Variants in FGD6 observed in about 807,000 individuals in gnomAD.
FGD6 encodes the protein FYVE, RhoGEF and PH domain-containing protein 6.
Under a neutral mutation model 149.4 loss-of-function variants are expected in FGD6, and 90 were observed. The ratio of observed to expected loss-of-function variants is 0.60; its 90% CI spans 0.51 to 0.72. FGD6 has a LOEUF of 0.72. Ranked by LOEUF, FGD6 falls within the 30% of genes least tolerant of loss-of-function variation. The probability of loss-of-function intolerance (pLI) is 0.00; values close to 1 mark genes in which losing one functional copy is unlikely to be tolerated. For missense variants in FGD6, 1,437 were observed against 1,684.8 expected (o/e 0.85, Z 2.57); for synonymous variants, 527 against 584.0 (o/e 0.90, Z 1.41).
intron 17 of FGD6, 58 bp downstream of exon 17, chr12:95,091,649 G>A: frequency 8.3e-7 from 1 of 1,209,346 alleles, no homozygotes; most frequent in Non-Finnish European, 1.2e-6. Context: ...TCAGAAGGTT[G>A]TTTGAAAGCA....
Position 95,141,464 on chromosome 12 carries a change from T to A in FGD6, c.2761A>T (p.Ile921Phe). 1 of 1,614,110 alleles carries A rather than the reference T, an allele frequency of 6.2e-7. No homozygotes were observed. The part of the protein sequence containing the change: ...PVIEDRILNQ[I>F]LYYLPQLYEL... ...TACAGCTGAGGCAAGTAGTATAGGA[T>A]CTGATTTAGAATCCGGTCCTCAATC... is the stretch of plus-strand genomic sequence containing the variant. The change falls in exon 6 of 21, where the codon ATC (isoleucine) becomes TTC (phenylalanine). Residue 921 changes from isoleucine to phenylalanine, a missense_variant. Physicochemically the swap from Ile to Phe is conservative, Grantham distance 21. Transcript: ENST00000343958.
intron 15 of FGD6, among the ~76,000 whole-genome samples, chr12:95,093,873 C>A (rs968031838): frequency 2.0e-5 from 3 of 148,146 alleles, no homozygotes; most frequent in African/African-American, 7.5e-5. Context: ...GAAATATGGG[C>A]TATTGGCCAG....
rs747776204 is a variant in FGD6, at chr12:95,209,474, T to C, written c.1810A>G (p.Lys604Glu). The change falls in exon 2 of 21, where the codon AAA (lysine) becomes GAA (glutamate). Residue 604 changes from lysine (K) to glutamate (E), a missense_variant. Lys to Glu is a moderately conservative substitution (Grantham distance 56). Around this residue, in one of 2 missense-constraint regions of FGD6, gnomAD observed 1,055 missense variants for 1,146.0 expected, o/e 0.92. Coordinates refer to ENST00000343958, the MANE Select transcript of FGD6 (RefSeq NM_018351.4). ...TCCACATCCATAGCAGATAACGATT[T>C]TGCTCTGGGCTTGGTTAGGGCTGTT... is the stretch of plus-strand genomic sequence containing the variant. ...PSTALTKPRA[K>E]SLSAMDVEKC... The C allele has an allele frequency of 1.9e-6, 3 of 1,612,156 alleles. No individual in the cohort carries two copies. The highest frequency in any genetic ancestry group is 1.7e-6 in the Non-Finnish European group (2 of 1,179,334).
At chr12:95,160,885 CAAAG>C (rs1258249882) in intron 3 of FGD6, among the ~76,000 whole-genome samples, 1 of 150,960 alleles carries the variant, frequency 6.6e-6, no homozygotes. Flanking sequence ...AACAAACAAA[CAAAG>C]AACCCACTTG....
intron 3 of FGD6, among the ~76,000 whole-genome samples, chr12:95,157,972 C>CGAGTAGCG (rs1362163797): frequency 1.3e-5 from 2 of 151,458 alleles, no homozygotes; most frequent in Non-Finnish European, 2.9e-5. Context: ...CTTAGCCTCC[C>CGAGTAGCG]GAGTAGCTGG....
Position 95,085,921 on chromosome 12 carries a change from C to G in FGD6, c.3979-13G>C. 1.3e-6 allele frequency: 2 copies of G among 1,590,672 alleles called. No homozygotes were observed. The highest frequency in any genetic ancestry group is 1.7e-6 in the Non-Finnish European group (2 of 1,173,668). ...TGTTTGCTGATACCTAGATAAGAAA[C>G]CCCATACAAAGTTTAATGGTTTTCA... On this transcript the variant is annotated splice_polypyrimidine_tract_variant and intron_variant, in intron 18 of 20. Transcript: ENST00000343958.
chr12:95,144,829 C>A (rs1464472389), intron 5 of FGD6, among the ~76,000 whole-genome samples: 1 of 151,274 alleles, frequency 6.6e-6, no homozygotes, highest in Non-Finnish European at 1.5e-5. Flanking sequence ...GCTGGGATTA[C>A]AGGCGCTTGC....
intron 14 of FGD6, among the ~76,000 whole-genome samples, chr12:95,103,283 A>C (rs1284569474): frequency 1.3e-5 from 2 of 152,232 alleles, no homozygotes; most frequent in Admixed American, 1.3e-4. Context: ...AGGTCTGAGA[A>C]GACAGTGTCT....
intron 8 of FGD6, among the ~76,000 whole-genome samples, chr12:95,133,553 A>G (rs768438511): frequency 6.6e-6 from 1 of 152,208 alleles, no homozygotes; most frequent in Non-Finnish European, 1.5e-5. Context: ...AGTGAAGTTA[A>G]GAAGAAAAGC....
rs1180494083 is a variant in FGD6 at position 95,211,276 on chromosome 12, G to GA, written c.17-10dup. 3.3e-6 allele frequency: 5 copies of GA among 1,536,766 alleles called. No homozygotes were observed. Among genetic ancestry groups the GA allele is most frequent in the Non-Finnish European group, 4.3e-6 (5 of 1,151,826 alleles). On this transcript the variant is annotated splice_polypyrimidine_tract_variant and intron_variant, in intron 1 of 20. Transcript: ENST00000343958. ...TGGTGGCTTCTTTATCTCTAGAAAG[G>GA]AAAAAATAATAATTTGATGTCAAAA...
intron 5 of FGD6, 50 bp from the exon 6 acceptor site, chr12:95,141,589 A>G (rs369603514): frequency 1.2e-6 from 2 of 1,601,506 alleles, no homozygotes; most frequent in African/African-American, 2.7e-5. Context: ...GTAACTTGAT[A>G]ACAAGCTTTT....
At chr12:95,208,413 G>C (rs1306809391) in intron 2 of FGD6, among the ~76,000 whole-genome samples, 2 of 152,130 alleles carry the variant, frequency 1.3e-5, no homozygotes, top group African/African-American at 4.8e-5. Context: ...AAAATGTGGA[G>C]GTTCCACCTG....
intron 2 of FGD6, among the ~76,000 whole-genome samples, chr12:95,174,822 G>A (rs1461403304): frequency 6.6e-6 from 1 of 150,814 alleles, no homozygotes; most frequent in Non-Finnish European, 1.5e-5. Context: ...CAGCTACTCG[G>A]GAGGCTGAGG....
chr12:95,116,235 G>A (rs561341175), intron 8 of FGD6, among the ~76,000 whole-genome samples: 2 of 152,214 alleles, frequency 1.3e-5, no homozygotes, highest in East Asian at 1.9e-4. Flanking sequence ...TTCTATGGCT[G>A]ACAGTTGACA....
chr12:95,123,560 T>C (rs1879251834), intron 8 of FGD6, among the ~76,000 whole-genome samples: 1 of 144,368 alleles, frequency 6.9e-6, no homozygotes, highest in African/African-American at 2.7e-5. Flanking sequence ...CAAAAGTCAA[T>C]ATACATTTTT....
At chr12:95,158,757 C>G (rs1233852209) in intron 3 of FGD6, among the ~76,000 whole-genome samples, 2 of 151,976 alleles carry the variant, frequency 1.3e-5, no homozygotes, top group Admixed American at 6.6e-5. Context: ...CATGGTGGTT[C>G]ATGTCTGTAA....
At chr12:95,155,471 T>C (rs943619136) in intron 3 of FGD6, among the ~76,000 whole-genome samples, 2 of 152,124 alleles carry the variant, frequency 1.3e-5, no homozygotes, top group African/African-American at 4.8e-5. Flanking sequence ...GAGGTTGCAG[T>C]GAGCCGAGAT....
intron 8 of FGD6, 39 bp from the exon 9 acceptor site, chr12:95,113,740 C>T (rs751621262): frequency 2.3e-6 from 3 of 1,314,136 alleles, no homozygotes; most frequent in East Asian, 4.7e-5. Flanking sequence ...GTACAATAAA[C>T]CAGTGAGCCC....
chr12:95,138,028 C>T (rs919754393), intron 6 of FGD6, among the ~76,000 whole-genome samples: 1 of 151,956 alleles, frequency 6.6e-6, no homozygotes. Context: ...CAAGACCAGC[C>T]TGACCAACAT....
Sources: gnomAD v4.1 joint callset for allele counts (sites outside exome capture counted in the v4.1 genomes callset) on GRCh38, gnomAD v4.1.1 for gene constraint, gnomAD v4.1.1 regional missense constraint, MANE v1.5 for transcripts, NCBI Gene and HGNC (gene_info 2026-07-23, HGNC 2026-07-21) for gene names.